Variants in SLC39A11 observed in about 807,000 individuals in gnomAD.
The protein encoded by SLC39A11 is solute carrier family 39 member 11, also known as zinc transporter ZIP11.
A neutral mutation model predicts 36.1 loss-of-function variants in SLC39A11; 33 were observed. That is an observed-to-expected ratio of 0.91 (90% CI 0.69 to 1.22). SLC39A11 has a LOEUF of 1.22. SLC39A11 is among the 50% of genes most tolerant of loss of function. The probability of loss-of-function intolerance (pLI) is 0.00; values close to 1 mark genes in which losing one functional copy is unlikely to be tolerated. For synonymous variants in SLC39A11, 166 were observed against 170.3 expected (o/e 0.97, Z 0.20); for missense variants, 432 against 430.3 (o/e 1.00, Z -0.03).
intron 7 of SLC39A11, among the ~76,000 whole-genome samples, chr17:72,670,065 TATATATACGTATAGATGTATATACACAC>T: frequency 6.7e-6 from 1 of 149,160 alleles, no homozygotes. Flanking sequence ...TATATACACA[TATATATACGTATAGATGTATATACACAC>T]ATATATATAC....
intron 7 of SLC39A11, among the ~76,000 whole-genome samples, chr17:72,666,041 G>T (rs2070741440): frequency 1.3e-5 from 2 of 152,160 alleles, no homozygotes; most frequent in South Asian, 4.2e-4. Context: ...TCTGATGTCT[G>T]CTCCCAGCTG....
chr17:72,899,252 C>T (rs1598332173), intron 5 of SLC39A11, among the ~76,000 whole-genome samples: 2 of 152,134 alleles, frequency 1.3e-5, no homozygotes, highest in Non-Finnish European at 1.5e-5. Context: ...CACCTTGCCC[C>T]TCCCCTGCCA....
At chr17:72,681,179 G>A (rs993823309) in intron 7 of SLC39A11, among the ~76,000 whole-genome samples, 3 of 152,048 alleles carry the variant, frequency 2.0e-5, no homozygotes, top group East Asian at 3.9e-4. Context: ...CGCCCACCTC[G>A]GCCTCCCAAA....
At chr17:72,676,072 A>T (rs7214566) in intron 7 of SLC39A11, among the ~76,000 whole-genome samples, 7,072 of 49,298 alleles carry the variant, frequency 0.14, 457 homozygotes, top group African/African-American at 0.27. Flanking sequence ...ACAATGTTTC[A>T]CACACACACA....
chr17:73,048,509 T>G (rs1302670461), intron 3 of SLC39A11, among the ~76,000 whole-genome samples: 2 of 152,230 alleles, frequency 1.3e-5, no homozygotes, highest in East Asian at 3.8e-4. Context: ...TGAGTGCCTG[T>G]GTCTTTTTAA....
intron 7 of SLC39A11, among the ~76,000 whole-genome samples, chr17:72,715,357 C>T (rs1313281145): frequency 6.6e-6 from 1 of 152,226 alleles, no homozygotes; most frequent in Non-Finnish European, 1.5e-5. Flanking sequence ...TTCATGTTCA[C>T]AAGCAGCACT....
At chr17:72,934,599 G>A (rs895161373) in intron 5 of SLC39A11, among the ~76,000 whole-genome samples, 5 of 152,148 alleles carry the variant, frequency 3.3e-5, no homozygotes, top group African/African-American at 4.8e-5. Flanking sequence ...CTGGGACGCG[G>A]AGGTTGCTGT....
intron 3 of SLC39A11, among the ~76,000 whole-genome samples, chr17:73,046,754 C>G (rs1374756853): frequency 6.6e-6 from 1 of 151,968 alleles, no homozygotes; most frequent in Non-Finnish European, 1.5e-5. Flanking sequence ...CCAGCCTGGG[C>G]AACATGGCAA....
intron 5 of SLC39A11, among the ~76,000 whole-genome samples, chr17:72,908,775 C>A (rs752853704): frequency 6.6e-6 from 1 of 152,178 alleles, no homozygotes; most frequent in Non-Finnish European, 1.5e-5. Flanking sequence ...GCCAGGGTGG[C>A]AAATCCCAAT....
chr17:72,957,967 T>C (rs1043622550), intron 4 of SLC39A11, among the ~76,000 whole-genome samples: 5 of 152,204 alleles, frequency 3.3e-5, no homozygotes, highest in African/African-American at 9.7e-5. Flanking sequence ...CACTCCAGCC[T>C]GGGCGAAAGA....
intron 7 of SLC39A11, among the ~76,000 whole-genome samples, chr17:72,724,822 A>C (rs560367213): frequency 9.2e-5 from 14 of 151,908 alleles, no homozygotes; most frequent in African/African-American, 3.1e-4. Context: ...AAAAATACTT[A>C]AGAGGCAAGA....
chr17:72,916,211 G>A (rs1374640662), intron 5 of SLC39A11, among the ~76,000 whole-genome samples: 2 of 149,692 alleles, frequency 1.3e-5, no homozygotes, highest in Admixed American at 6.6e-5. Context: ...ACACAGGCAC[G>A]TTACACATGC....
intron 7 of SLC39A11, among the ~76,000 whole-genome samples, chr17:72,659,016 T>C (rs1295445672): frequency 2.6e-5 from 4 of 152,104 alleles, no homozygotes; most frequent in Admixed American, 2.6e-4. Context: ...GGGTGTGCCT[T>C]AGCCTTCTCA....
intron 7 of SLC39A11, among the ~76,000 whole-genome samples, chr17:72,663,135 C>T (rs1402014600): frequency 1.3e-5 from 2 of 152,166 alleles, no homozygotes; most frequent in Non-Finnish European, 2.9e-5. Context: ...ACAGGCACAA[C>T]CAAGCTATGC....
At chr17:73,067,840 AT>A in intron 3 of SLC39A11, 1 of 1,583,674 alleles carries the variant, frequency 6.3e-7, no homozygotes, top group Non-Finnish European at 8.7e-7. Context: ...AATCCATTTA[AT>A]GTAGCAAGTT....
chr17:72,967,395 A>AGAGAGAGAGAGAGT (rs2087077952), intron 4 of SLC39A11, among the ~76,000 whole-genome samples: 1 of 143,956 alleles, frequency 6.9e-6, no homozygotes, highest in South Asian at 2.2e-4. Context: ...AGAGAGAGAG[A>AGAGAGAGAGAGAGT]GAGAGTGTGT....
chr17:72,960,714 G>A (rs1210933090), intron 4 of SLC39A11, among the ~76,000 whole-genome samples: 3 of 151,736 alleles, frequency 2.0e-5, no homozygotes, highest in East Asian at 1.9e-4. Flanking sequence ...CTACTAGGGA[G>A]GCAGGAGGAT....
intron 5 of SLC39A11, among the ~76,000 whole-genome samples, chr17:72,939,067 G>A (rs2084934146): frequency 6.6e-6 from 1 of 152,138 alleles, no homozygotes; most frequent in Non-Finnish European, 1.5e-5. Context: ...CCAAGCTCCT[G>A]AAGTCTGGTC....
In SLC39A11 at chr17:72,766,928, C is replaced by T. The variant is rs149262058; in HGVS notation, c.602-30209G>A. Among the ~76,000 whole-genome samples the T allele has an allele frequency of 6.6e-3, 1,010 of 152,236 alleles. 11 individuals carry two copies. Among genetic ancestry groups the T allele is most frequent in the African/African-American group, 0.023 (945 of 41,546 alleles). ...CAGAGACATGCCAGCCCCAAGATAA[C>T]CTCCCCTCCAGCTGGAGAGATGTCA... On this transcript the variant is annotated intron_variant, in intron 6 of 9. Transcript: ENST00000255559.
Sources: gnomAD v4.1 joint callset for allele counts (sites outside exome capture counted in the v4.1 genomes callset) on GRCh38, gnomAD v4.1.1 for gene constraint, MANE v1.5 for transcripts, NCBI Gene and HGNC (gene_info 2026-07-23, HGNC 2026-07-21) for gene names.